Variants in CNTNAP5 observed in about 807,000 individuals in gnomAD.
CNTNAP5 encodes the protein contactin-associated protein-like 5.
CNTNAP5 carries 72 observed loss-of-function variants against 150.2 expected under a neutral mutation model. That is an observed-to-expected ratio of 0.48 (90% CI 0.40 to 0.58). The LOEUF (loss-of-function observed/expected upper bound fraction) is 0.58. Ranked by LOEUF, CNTNAP5 falls within the 20% of genes least tolerant of loss-of-function variation. CNTNAP5 has a pLI of 0.00. For missense variants in CNTNAP5, 1,636 were observed against 1,626.2 expected (o/e 1.01, Z -0.10); for synonymous variants, 672 against 619.8 (o/e 1.08, Z -1.25).
chr2:124,505,519 G>T (rs1694385178), intron 8 of CNTNAP5, among the ~76,000 whole-genome samples: 1 of 152,042 alleles, frequency 6.6e-6, no homozygotes, highest in South Asian at 2.1e-4. Context: ...TGACACCAGG[G>T]AATGGGAAAA....
chr2:124,216,401 T>G (rs1433513966), intron 1 of CNTNAP5, among the ~76,000 whole-genome samples: 1 of 152,148 alleles, frequency 6.6e-6, no homozygotes, highest in African/African-American at 2.4e-5. Context: ...TTAAAATTAT[T>G]ATTATACTTT....
chr2:124,298,579 A>G (rs1688497355), intron 3 of CNTNAP5, among the ~76,000 whole-genome samples: 1 of 152,164 alleles, frequency 6.6e-6, no homozygotes, highest in Non-Finnish European at 1.5e-5. Context: ...CTTAATCTAA[A>G]TGGGTCCAAG....
intron 13 of CNTNAP5, among the ~76,000 whole-genome samples, chr2:124,686,587 G>C (rs1679198011): frequency 6.6e-6 from 1 of 152,102 alleles, no homozygotes; most frequent in Non-Finnish European, 1.5e-5. Context: ...TGACAGACAT[G>C]GGAGTGAAGT....
chr2:124,046,685 G>A (rs1681547081), intron 1 of CNTNAP5, among the ~76,000 whole-genome samples: 1 of 151,902 alleles, frequency 6.6e-6, no homozygotes, highest in African/African-American at 2.4e-5. Flanking sequence ...AATGCTAAGG[G>A]GACATTTTAG....
At chr2:124,517,424 G>A (rs1694748087) in intron 8 of CNTNAP5, among the ~76,000 whole-genome samples, 1 of 151,434 alleles carries the variant, frequency 6.6e-6, no homozygotes, top group African/African-American at 2.4e-5. Flanking sequence ...TGTGGTGTTG[G>A]TGATGGGAGC....
At chr2:124,055,890 A>C (rs1466368673) in intron 1 of CNTNAP5, among the ~76,000 whole-genome samples, 1 of 151,918 alleles carries the variant, frequency 6.6e-6, no homozygotes, top group Non-Finnish European at 1.5e-5. Context: ...ACTTATTTCT[A>C]TCCTCAATTC....
intron 3 of CNTNAP5, among the ~76,000 whole-genome samples, chr2:124,331,477 T>C (rs947408782): frequency 6.6e-6 from 1 of 152,070 alleles, no homozygotes; most frequent in African/African-American, 2.4e-5. Context: ...ACATATCAAA[T>C]AACCTTAATT....
chr2:124,741,855 T>A (rs190298139), intron 13 of CNTNAP5, among the ~76,000 whole-genome samples: 1 of 152,132 alleles, frequency 6.6e-6, no homozygotes, highest in Admixed American at 6.6e-5. Flanking sequence ...CTCTCACACA[T>A]ACATTCCCTC....
chr2:124,806,198 C>T (rs1682077125), intron 19 of CNTNAP5, among the ~76,000 whole-genome samples: 2 of 151,946 alleles, frequency 1.3e-5, no homozygotes, highest in Non-Finnish European at 2.9e-5. Flanking sequence ...GCACATAGTT[C>T]ACCTCTGATT....
rs112411007 is a variant in CNTNAP5 at position 124,378,438 on chromosome 2, C to A, written c.382-39005C>A. On this transcript the variant is annotated intron_variant, in intron 3 of 23. Coordinates refer to ENST00000682447, the MANE Select transcript of CNTNAP5 (RefSeq NM_001367498.1). Reference sequence around the variant, plus strand: ...TTTGCATGTATTTTTGCAGATTTTTCTTTAAATATAAAAGCATAATTACAT... The same window carrying A: ...TTTGCATGTATTTTTGCAGATTTTTATTTAAATATAAAAGCATAATTACAT... Among the ~76,000 whole-genome samples the A allele has an allele frequency of 7.8e-3, 1,188 of 152,072 alleles. 18 individuals are homozygous for A. The highest frequency in any genetic ancestry group is 0.026 in the African/African-American group (1,068 of 41,506).
rs530066751 is a variant in CNTNAP5, at chr2:124,249,944, A to G, written c.381+7551A>G. ...ATCCTTATTTATTTAATGTTTAGCT[A>G]ACAAGGATGAATTCTTTTGTGTGTG... On this transcript the variant is annotated intron_variant, in intron 3 of 23. Coordinates refer to ENST00000682447, the MANE Select transcript of CNTNAP5 (RefSeq NM_001367498.1). 1.5e-4 allele frequency among the ~76,000 whole-genome samples: 23 copies of G among 149,206 alleles called. 1 individual carries two copies. The highest frequency in any genetic ancestry group is 3.1e-4 in the Non-Finnish European group (21 of 67,620).
chr2:124,631,752 C>T (rs532432868), intron 12 of CNTNAP5, among the ~76,000 whole-genome samples: 1 of 152,254 alleles, frequency 6.6e-6, no homozygotes, highest in East Asian at 1.9e-4. Flanking sequence ...AGTTTCTGCA[C>T]AGCAAATGAA....
At position 124,109,228 on chromosome 2, in the gene CNTNAP5, G is replaced by T. The variant is rs920037183; in HGVS notation, c.82+83496G>T. On this transcript the variant is annotated intron_variant, in intron 1 of 23. Coordinates refer to ENST00000682447, the MANE Select transcript of CNTNAP5 (RefSeq NM_001367498.1). ...CCCAGGGGAAAAAGGGGCACACACT[G>T]AGGCCTCAAACCCTTGCCTCACAGG... 2.6e-5 allele frequency among the ~76,000 whole-genome samples: 4 copies of T among 152,254 alleles called. No homozygotes were observed. The East Asian group carries it at 7.7e-4, about 29-fold the overall frequency.
At chr2:124,458,139 A>G (rs938264763) in intron 6 of CNTNAP5, among the ~76,000 whole-genome samples, 3 of 116,572 alleles carry the variant, frequency 2.6e-5, no homozygotes, top group Admixed American at 2.5e-4. Flanking sequence ...CACAATTTGC[A>G]ATTGCAAAAA....
At chr2:124,153,934 T>C (rs1268824513) in intron 1 of CNTNAP5, among the ~76,000 whole-genome samples, 1 of 152,038 alleles carries the variant, frequency 6.6e-6, no homozygotes, top group Non-Finnish European at 1.5e-5. Context: ...TTTCTTTTTT[T>C]TAATAGGACA....
chr2:124,148,717 G>A (rs1276100747), intron 1 of CNTNAP5, among the ~76,000 whole-genome samples: 1 of 149,680 alleles, frequency 6.7e-6, no homozygotes, highest in Admixed American at 6.7e-5. Flanking sequence ...TCAAACTATT[G>A]ATAATGCTCT....
At chr2:124,311,343 G>A (rs1688825264) in intron 3 of CNTNAP5, among the ~76,000 whole-genome samples, 1 of 152,112 alleles carries the variant, frequency 6.6e-6, no homozygotes, top group African/African-American at 2.4e-5. Flanking sequence ...TCTCTTTCTA[G>A]CTTGCAGACG....
intron 21 of CNTNAP5, among the ~76,000 whole-genome samples, chr2:124,885,428 A>T (rs1678058822): frequency 6.6e-6 from 1 of 151,830 alleles, no homozygotes; most frequent in Admixed American, 6.6e-5. Flanking sequence ...CCCTCTCTTT[A>T]TTTTTTATTG....
At chr2:124,441,361 C>T (rs1054583625) in intron 5 of CNTNAP5, among the ~76,000 whole-genome samples, 2 of 151,444 alleles carry the variant, frequency 1.3e-5, no homozygotes, top group Admixed American at 6.6e-5. Context: ...TAGTTATGCT[C>T]ACCCTAAAAC....
Sources: gnomAD v4.1 joint callset for allele counts (sites outside exome capture counted in the v4.1 genomes callset) on GRCh38, gnomAD v4.1.1 for gene constraint, MANE v1.5 for transcripts, NCBI Gene and HGNC (gene_info 2026-07-23, HGNC 2026-07-21) for gene names.